Variants in AGBL3 observed in about 807,000 individuals in gnomAD.
AGBL3 encodes the protein cytosolic carboxypeptidase 3.
AGBL3 carries 68 observed loss-of-function variants against 94.5 expected under a neutral mutation model. That is an observed-to-expected ratio of 0.72 (90% CI 0.59 to 0.88). AGBL3 has a LOEUF of 0.88. AGBL3 is among the 40% of genes least tolerant of loss of function. The pLI is 0.00. For missense variants in AGBL3, 934 were observed against 1,103.8 expected (o/e 0.85, Z 2.18); for synonymous variants, 354 against 370.7 (o/e 0.95, Z 0.52).
intron 15 of AGBL3, among the ~76,000 whole-genome samples, chr7:135,091,404 G>A (rs756759184): frequency 1.3e-5 from 2 of 152,104 alleles, no homozygotes; most frequent in African/African-American, 2.4e-5. Flanking sequence ...AAAAATTGAC[G>A]CTTGATGTAC....
At chr7:135,008,752 A>T (rs1457213014) in intron 4 of AGBL3, among the ~76,000 whole-genome samples, 1 of 152,180 alleles carries the variant, frequency 6.6e-6, no homozygotes, top group Non-Finnish European at 1.5e-5. Context: ...CTGACAAAGG[A>T]CTTCTATCTA....
At chr7:135,004,971 C>T (rs1339805254) in intron 4 of AGBL3, among the ~76,000 whole-genome samples, 4 of 151,372 alleles carry the variant, frequency 2.6e-5, no homozygotes, top group African/African-American at 9.7e-5. Flanking sequence ...TAACTTCTTA[C>T]TTCCCAGTAT....
rs578175571 is a variant in AGBL3 at position 135,034,578 on chromosome 7, C to G, written c.987C>G (p.Cys329Trp). Reference sequence around the variant, plus strand: ...AGTTTTGTAAAATACGTGTTTTGTGCCACACGCTTGCTAGGAACATGGTGT... The same window carrying G: ...AGTTTTGTAAAATACGTGTTTTGTGGCACACGCTTGCTAGGAACATGGTGT... ...RSKFCKIRVL[C>W]HTLARNMVYI... is the part of the protein sequence containing the mutation. The change falls in exon 7 of 17, where the codon TGC becomes TGG. Residue 329 changes from cysteine to tryptophan, a missense_variant. Transcript: ENST00000436302. 38 of 1,551,756 alleles carry G rather than the reference C, an allele frequency of 2.4e-5. No individual in the cohort carries two copies. The East Asian group carries it at 6.8e-4, about 28-fold the overall frequency.
At chr7:135,100,821 T>G (rs931841764) in intron 15 of AGBL3, among the ~76,000 whole-genome samples, 2 of 152,224 alleles carry the variant, frequency 1.3e-5, no homozygotes, top group Admixed American at 6.5e-5. Context: ...ATGTGAATGC[T>G]ACACCCACCT....
chr7:135,000,055 A>G (rs1020302657), intron 4 of AGBL3, among the ~76,000 whole-genome samples: 7 of 152,200 alleles, frequency 4.6e-5, no homozygotes, highest in African/African-American at 1.7e-4. Context: ...CATGAACAGA[A>G]TGAGTATCTC....
chr7:135,059,384 T>C, intron 12 of AGBL3, 149 bp downstream of exon 12: 1 of 516,010 alleles, frequency 1.9e-6, no homozygotes, highest in Non-Finnish European at 3.4e-6. Flanking sequence ...AATCATAGAA[T>C]TATTTAACTT....
intron 13 of AGBL3, among the ~76,000 whole-genome samples, chr7:135,078,919 G>T (rs1028378113): frequency 1.3e-5 from 2 of 152,162 alleles, no homozygotes; most frequent in African/African-American, 4.8e-5. Context: ...TTCTTACTTG[G>T]TTTGCTTATA....
intron 12 of AGBL3, among the ~76,000 whole-genome samples, chr7:135,069,197 C>A (rs1308544736): frequency 2.0e-5 from 3 of 152,156 alleles, no homozygotes; most frequent in Admixed American, 6.5e-5. Context: ...TATATATGCA[C>A]CCAATACAGG....
rs184988807 is a variant in AGBL3 at position 135,066,141 on chromosome 7, T to A, written c.1908+6906T>A. Among the ~76,000 whole-genome samples, 109 of 152,198 alleles carry A rather than the reference T, an allele frequency of 7.2e-4. 2 individuals are homozygous for A. The highest frequency in any genetic ancestry group is 2.4e-4 in the Non-Finnish European group (16 of 68,000). On this transcript the variant is annotated intron_variant, in intron 12 of 16. Transcript: ENST00000436302. Reference sequence around the variant, plus strand: ...TTAAACAAGTGGGACTATAACAAACTAAAAAGCTTCTGTACAACCAAGAAA... The same window carrying A: ...TTAAACAAGTGGGACTATAACAAACAAAAAAGCTTCTGTACAACCAAGAAA...
chr7:135,053,728 C>T (rs189628541), intron 11 of AGBL3, among the ~76,000 whole-genome samples: 1 of 152,118 alleles, frequency 6.6e-6, no homozygotes, highest in African/African-American at 2.4e-5. Context: ...TTAAATTATT[C>T]CTGAGACCTA....
intron 15 of AGBL3, among the ~76,000 whole-genome samples, chr7:135,108,821 T>C (rs1825167677): frequency 6.6e-6 from 1 of 152,194 alleles, no homozygotes; most frequent in African/African-American, 2.4e-5. Flanking sequence ...GGGATGCAAA[T>C]GATTCATAAA....
At chr7:135,067,603 T>C (rs1352064759) in intron 12 of AGBL3, among the ~76,000 whole-genome samples, 1 of 152,178 alleles carries the variant, frequency 6.6e-6, no homozygotes, top group Admixed American at 6.5e-5. Context: ...TTCTGCAGCC[T>C]CCGCTGCTGA....
At chr7:134,991,662 T>C (rs937746472) in intron 3 of AGBL3, among the ~76,000 whole-genome samples, 11 of 152,148 alleles carry the variant, frequency 7.2e-5, no homozygotes, top group Non-Finnish European at 1.5e-4. Flanking sequence ...TTCCAAGCAC[T>C]GGGTCTGGCA....
At chr7:135,087,742 CG>C in intron 15 of AGBL3, among the ~76,000 whole-genome samples, 1 of 151,970 alleles carries the variant, frequency 6.6e-6, no homozygotes, top group South Asian at 2.1e-4. Flanking sequence ...CGTTCCCTAA[CG>C]TAAGTCTTAG....
chr7:135,130,186 C>T (rs187774652), intron 16 of AGBL3, among the ~76,000 whole-genome samples: 1 of 152,316 alleles, frequency 6.6e-6, no homozygotes, highest in African/African-American at 2.4e-5. Context: ...TTCTTACCAA[C>T]CTAAATTTCT....
At chr7:135,021,113 G>A (rs554454940) in intron 5 of AGBL3, among the ~76,000 whole-genome samples, 6 of 150,914 alleles carry the variant, frequency 4.0e-5, no homozygotes, top group East Asian at 3.9e-4. Flanking sequence ...TTTATTAAAT[G>A]TCAGTTAACA....
chr7:135,053,610 A>AAAAAC (rs201764002), intron 11 of AGBL3, among the ~76,000 whole-genome samples: 11,019 of 151,976 alleles, frequency 0.073, 440 homozygotes, highest in African/African-American at 0.097. Context: ...TCCGTCTCAA[A>AAAAAC]AAAACAAAAC....
In AGBL3 at chr7:135,048,039, T is replaced by A. The variant is rs554198209; in HGVS notation, c.1841+2128T>A. Among the ~76,000 whole-genome samples the A allele has an allele frequency of 2.0e-5, 3 of 152,064 alleles. No individual in the cohort carries two copies. In the East Asian group the frequency reaches 5.8e-4, roughly 29 times the overall value. ...TTAGCCCATTTTGAGTTGACTTTTTTATATAGTATCCAATTTTATTCTTTT... is the reference window on the plus strand; with the variant it reads ...TTAGCCCATTTTGAGTTGACTTTTTAATATAGTATCCAATTTTATTCTTTT... On this transcript the variant is annotated intron_variant, in intron 11 of 16. Coordinates refer to ENST00000436302, the MANE Select transcript of AGBL3 (RefSeq NM_178563.4).
At chr7:135,080,777 A>G (rs921595222) in intron 14 of AGBL3, among the ~76,000 whole-genome samples, 9 of 101,312 alleles carry the variant, frequency 8.9e-5, no homozygotes, top group Admixed American at 8.6e-4. Context: ...CTGTCATTTT[A>G]TCTTTAGTTG....
Sources: allele counts gnomAD v4.1 joint callset (sites outside exome capture counted in the v4.1 genomes callset), GRCh38; gene constraint gnomAD v4.1.1; transcripts MANE v1.5; gene names NCBI Gene and HGNC (gene_info 2026-07-23, HGNC 2026-07-21).